Variants in EPHX4 observed in about 807,000 individuals in gnomAD.
The protein encoded by EPHX4 is epoxide hydrolase 4.
A neutral mutation model predicts 44.9 loss-of-function variants in EPHX4; 31 were observed. That is an observed-to-expected ratio of 0.69 (90% CI 0.52 to 0.93). EPHX4 has a LOEUF of 0.93. Ranked by LOEUF, EPHX4 falls within the 40% of genes least tolerant of loss-of-function variation. The pLI, the probability that EPHX4 is intolerant of heterozygous loss-of-function variation, is 0.00. For synonymous variants in EPHX4, 151 were observed against 159.7 expected (o/e 0.95, Z 0.41); for missense variants, 373 against 438.1 (o/e 0.85, Z 1.33).
chr1:92,063,405 ATAAATATCCTGACAAATGG>A lies in EPHX4; in HGVS notation c.*122_*140del, dbSNP rs11274899. The A allele has an allele frequency of 0.033, 23,863 of 732,404 alleles. 450 individuals carry two copies. The highest frequency in any genetic ancestry group is 0.071 in the African/African-American group (4,000 of 56,670). The allele number at this position is 732,404 out of a possible 1,614,324, so 45.4% of individuals were successfully genotyped here. On this transcript the variant is annotated 3_prime_UTR_variant, in exon 7 of 7. Coordinates refer to ENST00000370383, the MANE Select transcript of EPHX4 (RefSeq NM_173567.5). ...ACTGTTTTAATGTGCTTTATCATAA[ATAAATATCCTGACAAATGG>A]TATTGAAAAAAATCTGAGATCATGT...
chr1:92,050,233 TA>T, intron 4 of EPHX4, 83 bp from the exon 5 acceptor site: 1 of 832,164 alleles, frequency 1.2e-6, no homozygotes, highest in Non-Finnish European at 1.9e-6. Context: ...CATCTTAAAG[TA>T]AAATTGTCCT....
At position 92,047,529 on chromosome 1, in the gene EPHX4, A is replaced by G. The variant is rs536169767; in HGVS notation, c.604+1869A>G. 3.9e-5 allele frequency among the ~76,000 whole-genome samples: 6 copies of G among 152,286 alleles called. No homozygotes were observed. The South Asian group carries it at 1.2e-3, about 32-fold the overall frequency. Reference sequence around the variant, plus strand: ...ACTGCTTTATGTGTACTTTCTATTTAATTACATAGAATATTAAAAAGATGT... The same window carrying G: ...ACTGCTTTATGTGTACTTTCTATTTGATTACATAGAATATTAAAAAGATGT... On this transcript the variant is annotated intron_variant, in intron 4 of 6. Coordinates refer to ENST00000370383, the MANE Select transcript of EPHX4 (RefSeq NM_173567.5).
rs771355353 is a variant in EPHX4, at chr1:92,042,883, T to C, written c.378T>C (p.Asp126=). 6.8e-6 allele frequency: 11 copies of C among 1,613,590 alleles called. No individual in the cohort carries two copies. In the African/African-American group the frequency reaches 8.0e-5, roughly 12 times the overall value. Residue 126 remains aspartate (D), a synonymous_variant, in exon 3 of 7, where the codon GAT becomes GAC. Coordinates refer to ENST00000370383, the MANE Select transcript of EPHX4 (RefSeq NM_173567.5). ...GTGAATATCGAGTTGTAGCACTGGA[T>C]TTGAGAGGTTATGGAGAAACAGATG... ...FKSEYRVVAL[D]LRGYGETDAP...
In EPHX4 at chr1:92,042,856, A is replaced by G; in HGVS notation, c.351A>G (p.Lys117=). The change falls in exon 3 of 7, where the codon AAA becomes AAG. Residue 117 remains lysine (K), a synonymous_variant. Transcript: ENST00000370383. The stretch of plus-strand genomic sequence containing the variant: ...GGCGTTACCAACTGAGAGAATTTAA[A>G]AGTGAATATCGAGTTGTAGCACTGG... ...YSWRYQLREF[K]SEYRVVALDL... The G allele has an allele frequency of 1.9e-6, 3 of 1,612,126 alleles. No individual in the cohort carries two copies. The highest frequency in any genetic ancestry group is 2.5e-6 in the Non-Finnish European group (3 of 1,179,604).
intron 6 of EPHX4, among the ~76,000 whole-genome samples, chr1:92,059,422 C>A (rs1303805597): frequency 6.6e-6 from 1 of 151,554 alleles, no homozygotes; most frequent in Non-Finnish European, 1.5e-5. Context: ...GGCAACAGAG[C>A]AAGACCCTGT....
At position 92,030,029 on chromosome 1, in the gene EPHX4, C is replaced by A. The variant is rs1688329475; in HGVS notation, c.-51C>A. On this transcript the variant is annotated 5_prime_UTR_variant, in exon 1 of 7. Transcript: ENST00000370383. ...CGGGCTGGCCTGGCGCGCTGCGGCG[C>A]TCGCTCACCCGCTCCCGAGGAAGGG... 1 of 1,374,706 alleles carries A rather than the reference C, an allele frequency of 7.3e-7. No individual in the cohort carries two copies. The highest frequency in any genetic ancestry group is 9.5e-7 in the Non-Finnish European group (1 of 1,049,320). 85.2% of individuals were successfully genotyped at this position (1,374,706 alleles called of 1,614,324 possible).
At chr1:92,037,264 C>A (rs1688452242) in intron 2 of EPHX4, among the ~76,000 whole-genome samples, 1 of 152,042 alleles carries the variant, frequency 6.6e-6, no homozygotes, top group Non-Finnish European at 1.5e-5. Flanking sequence ...CAGAAAAGCA[C>A]CATGCAAATG....
At chr1:92,049,133 G>T (rs746961296) in intron 4 of EPHX4, among the ~76,000 whole-genome samples, 1 of 151,884 alleles carries the variant, frequency 6.6e-6, no homozygotes, top group Non-Finnish European at 1.5e-5. Context: ...ACATGATCAG[G>T]CTTCTGCTTT....
chr1:92,030,207 T>C lies in EPHX4; in HGVS notation c.128T>C (p.Leu43Pro), dbSNP rs1184641139. 3 of 1,607,942 alleles carry C rather than the reference T, an allele frequency of 1.9e-6. No homozygotes were observed. The highest frequency in any genetic ancestry group is 2.5e-6 in the Non-Finnish European group (3 of 1,177,418). ...SIHLLKLLWS[L>P]GKGPAQTFRR... ...CACCTGCTCAAACTTTTGTGGAGCC[T>C]CGGCAAGGGGCCGGCGCAGACCTTC... is the stretch of plus-strand genomic sequence containing the variant. Residue 43 changes from leucine (L) to proline (P), a missense_variant, in exon 1 of 7, where the codon CTC becomes CCC. By Grantham distance (98) the Leu-to-Pro change is moderately conservative. Coordinates refer to ENST00000370383, the MANE Select transcript of EPHX4 (RefSeq NM_173567.5).
intron 5 of EPHX4, 54 bp from the exon 6 acceptor site, chr1:92,052,456 G>A: frequency 6.6e-7 from 1 of 1,508,668 alleles, no homozygotes. Flanking sequence ...CAAAGACTTA[G>A]CTTATTATTA....
rs560150636 is a variant in EPHX4, at chr1:92,034,326, G to T, written c.317+1736G>T. Among the ~76,000 whole-genome samples the T allele has an allele frequency of 7.4e-5, 11 of 149,626 alleles. No homozygotes were observed. In the East Asian group the frequency reaches 2.1e-3, roughly 29 times the overall value. On this transcript the variant is annotated intron_variant, in intron 2 of 6. Coordinates refer to ENST00000370383, the MANE Select transcript of EPHX4 (RefSeq NM_173567.5). ...AAAAAAAAAAAAAAAAAAAAGGGTG[G>T]TACATATCATGGCAGTAAAAGAAAA...
At chr1:92,058,558 C>T (rs142115943) in intron 6 of EPHX4, among the ~76,000 whole-genome samples, 260 of 151,970 alleles carry the variant, frequency 1.7e-3, no homozygotes, top group Non-Finnish European at 2.4e-3. Context: ...ATTCATGCAA[C>T]GATTCTTAGT....
intron 5 of EPHX4, among the ~76,000 whole-genome samples, chr1:92,052,081 A>T (rs559223955): frequency 1.3e-5 from 2 of 152,358 alleles, no homozygotes; most frequent in East Asian, 3.9e-4. Flanking sequence ...AATAGGCATC[A>T]AATGAGGCAT....
chr1:92,052,101 T>A (rs193120762), intron 5 of EPHX4, among the ~76,000 whole-genome samples: 1 of 152,216 alleles, frequency 6.6e-6, no homozygotes, highest in African/African-American at 2.4e-5. Flanking sequence ...TCCTTTCAGG[T>A]TGGCTTTTGT....
At chr1:92,038,093 G>A (rs1241432275) in intron 2 of EPHX4, among the ~76,000 whole-genome samples, 1 of 152,110 alleles carries the variant, frequency 6.6e-6, no homozygotes, top group African/African-American at 2.4e-5. Context: ...GAATTGTTTA[G>A]GATATTGTTT....
intron 6 of EPHX4, among the ~76,000 whole-genome samples, chr1:92,057,887 C>T (rs1647404026): frequency 6.6e-6 from 1 of 152,074 alleles, no homozygotes; most frequent in Non-Finnish European, 1.5e-5. Context: ...AGGTGTGAAC[C>T]ACCGGCACCC....
At chr1:92,055,680 TTC>T (rs1053622072) in intron 6 of EPHX4, among the ~76,000 whole-genome samples, 1 of 152,144 alleles carries the variant, frequency 6.6e-6, no homozygotes, top group Non-Finnish European at 1.5e-5. Flanking sequence ...GTTTTTTGTT[TTC>T]TGTTTTTTTT....
chr1:92,035,414 A>G (rs1307382339), intron 2 of EPHX4, among the ~76,000 whole-genome samples: 1 of 152,206 alleles, frequency 6.6e-6, no homozygotes, highest in Non-Finnish European at 1.5e-5. Context: ...ATGATGTTGC[A>G]AAGTTGGGTG....
chr1:92,037,272 A>G (rs572556257), intron 2 of EPHX4, among the ~76,000 whole-genome samples: 92 of 152,376 alleles, frequency 6.0e-4, no homozygotes, highest in African/African-American at 2.0e-3. Context: ...CACCATGCAA[A>G]TGTAACATAT....
Sources: allele counts gnomAD v4.1 joint callset (sites outside exome capture counted in the v4.1 genomes callset), GRCh38; gene constraint gnomAD v4.1.1; transcripts MANE v1.5; gene names NCBI Gene and HGNC (gene_info 2026-07-23, HGNC 2026-07-21).